The following ETV7 variants were observed in gnomAD, a reference collection of about 807,000 sequenced individuals.
ETV7 encodes ETS variant transcription factor 7.
In ETV7, 43 loss-of-function variants were observed where a neutral mutation model predicts 39.1. The ratio of observed to expected loss-of-function variants is 1.10; its 90% CI spans 0.86 to 1.42. The LOEUF (loss-of-function observed/expected upper bound fraction) is 1.42, where lower values mean the gene tolerates loss of function less well. ETV7 is among the 40% of genes most tolerant of loss of function. ETV7 has a pLI of 0.00. For synonymous variants in ETV7, 196 were observed against 176.6 expected (o/e 1.11, Z -0.87); for missense variants, 432 against 442.3 (o/e 0.98, Z 0.21).
intron 2 of ETV7, among the ~76,000 whole-genome samples, chr6:36,382,192 T>C (rs1017710374): frequency 6.6e-6 from 1 of 152,198 alleles, no homozygotes; most frequent in Admixed American, 6.5e-5. Flanking sequence ...AAACAAATAA[T>C]ATTTTGTACC....
chr6:36,369,156 C>T (rs1772879066), intron 5 of ETV7, 85 bp from the exon 6 acceptor site: 2 of 1,533,102 alleles, frequency 1.3e-6, no homozygotes, highest in Admixed American at 3.6e-5. Context: ...TTGGAAGCCT[C>T]CCGGCCAGAG....
rs765154138 is a variant in ETV7 at position 36,373,499 on chromosome 6, G to A, written c.387C>T (p.Ile129=). The change falls in exon 4 of 8, where the codon ATC becomes ATT. Residue 129 remains isoleucine (I), a synonymous_variant. Coordinates refer to ENST00000340181, the MANE Select transcript of ETV7 (RefSeq NM_016135.4). ...GCTGGGTGGGCGTCTTCAGCCTGAA[G>A]ATCCCTCCAAAAAAGGGCCCACACA... The part of the protein sequence containing the change: ...ALVCGPFFGG[I]FRLKTPTQHS... 9.6e-6 allele frequency: 15 copies of A among 1,566,332 alleles called. No individual in the cohort carries two copies. Among genetic ancestry groups the A allele is most frequent in the Admixed American group, 1.8e-5 (1 of 54,610 alleles).
At position 36,373,614 on chromosome 6, in the gene ETV7, C is replaced by T. The variant is rs781330272; in HGVS notation, c.308-36G>A. 12 of 1,517,822 alleles carry T rather than the reference C, an allele frequency of 7.9e-6. No homozygotes were observed. In the Admixed American group the frequency reaches 2.5e-4, roughly 31 times the overall value. The allele number at this position is 1,517,822 out of a possible 1,614,324, so 94.0% of individuals were successfully genotyped here. Reference sequence around the variant, plus strand: ...GTGGGAGGGAGGGCAGGCTGCTGAACAGGCCACGTGGGGAGGGCCAGCCTC... The same window carrying T: ...GTGGGAGGGAGGGCAGGCTGCTGAATAGGCCACGTGGGGAGGGCCAGCCTC... On this transcript the variant is annotated intron_variant, in intron 3 of 7. Transcript: ENST00000340181.
At chr6:36,369,878 C>T (rs2127388876) in intron 5 of ETV7, among the ~76,000 whole-genome samples, 1 of 151,168 alleles carries the variant, frequency 6.6e-6, no homozygotes, top group South Asian at 2.1e-4. Context: ...TGCACTCCAG[C>T]CTGGCAACAG....
chr6:36,384,375 A>G (rs1582227605), intron 2 of ETV7, among the ~76,000 whole-genome samples: 1 of 152,192 alleles, frequency 6.6e-6, no homozygotes, highest in Non-Finnish European at 1.5e-5. Context: ...CCATCTCAGA[A>G]GGGCCCACAG....
At chr6:36,365,078 G>A (rs1285301263), downstream of ETV7, among the ~76,000 whole-genome samples, 1 of 152,316 alleles carries the variant, frequency 6.6e-6, no homozygotes, top group African/African-American at 2.4e-5. Flanking sequence ...CAGCAGAGAC[G>A]GGGATTTCCT....
intron 7 of ETV7, among the ~76,000 whole-genome samples, chr6:36,356,392 T>C (rs1241970053): frequency 6.7e-6 from 1 of 149,194 alleles, no homozygotes; most frequent in African/African-American, 2.5e-5. Context: ...ACAACTATTA[T>C]ATATCAATTT....
intron 7 of ETV7, among the ~76,000 whole-genome samples, chr6:36,356,340 C>CAAAAAAAAAAAA (rs979143117): frequency 7.8e-6 from 1 of 128,288 alleles, no homozygotes. Flanking sequence ...AAAAAAAAAA[C>CAAAAAAAAAAAA]AAAAAAAAAC....
chr6:36,385,651 A>G lies in ETV7; in HGVS notation c.25T>C (p.Ser9Pro). 6.2e-7 allele frequency: 1 copy of G among 1,612,920 alleles called. No individual in the cohort carries two copies. The highest frequency in any genetic ancestry group is 8.5e-7 in the Non-Finnish European group (1 of 1,179,502). Reference protein sequence around the residue: MQEGELAISPISPVAAMPP... With the variant: MQEGELAIPPISPVAAMPP... ...ATGGCTGCCACAGGGCTTATAGGAG[A>G]AATAGCCAATTCTCCCTCCTAGAGA... Residue 9 changes from serine to proline, a missense_variant, in exon 2 of 8, where the codon TCT becomes CCT. By Grantham distance (74) the Ser-to-Pro change is moderately conservative. Coordinates refer to ENST00000340181, the MANE Select transcript of ETV7 (RefSeq NM_016135.4).
Position 36,368,928 on chromosome 6 carries a change from C to T in ETV7, c.807+1G>A. On this transcript the variant is annotated splice_donor_variant, in intron 6 of 7. Coordinates refer to ENST00000340181, the MANE Select transcript of ETV7 (RefSeq NM_016135.4). LOFTEE classifies it high-confidence loss of function. ...AGACCATTCTGCTGGCCGAGGCTCA[C>T]CTTGTGATTTCCCCAGAGTCTGGCG... 4.3e-6 allele frequency: 7 copies of T among 1,614,164 alleles called. No individual in the cohort carries two copies. The highest frequency in any genetic ancestry group is 5.9e-6 in the Non-Finnish European group (7 of 1,180,016).
downstream of ETV7, among the ~76,000 whole-genome samples, chr6:36,361,544 C>A (rs1247511907): frequency 6.6e-6 from 1 of 152,198 alleles, no homozygotes; most frequent in Non-Finnish European, 1.5e-5. Flanking sequence ...TCAGCCCAGG[C>A]TTCCTGCAGT....
At chr6:36,354,814 G>A (rs188359850) in intron 7 of ETV7, 27 of 525,390 alleles carry the variant, frequency 5.1e-5, no homozygotes, top group African/African-American at 4.5e-4. Context: ...ATTTAGATTT[G>A]CTTTAATTTC....
intron 2 of ETV7, among the ~76,000 whole-genome samples, chr6:36,381,023 C>T (rs1076929): frequency 0.41 from 62,738 of 151,840 alleles, 13,988 homozygotes; most frequent in African/African-American, 0.57. Context: ...CCCCACCTGA[C>T]CAAAGCTATT....
At chr6:36,358,657 G>C (rs946729758) in intron 7 of ETV7, among the ~76,000 whole-genome samples, 2 of 152,160 alleles carry the variant, frequency 1.3e-5, no homozygotes, top group Non-Finnish European at 2.9e-5. Flanking sequence ...GCCTTTGTTG[G>C]TGCTTTAGAA....
intron 3 of ETV7, among the ~76,000 whole-genome samples, chr6:36,375,217 T>C (rs1190263569): frequency 6.6e-6 from 1 of 151,814 alleles, no homozygotes; most frequent in Admixed American, 6.6e-5. Flanking sequence ...ACAGAAAACA[T>C]GAGCGAATTC....
In ETV7 at chr6:36,376,763, G is replaced by A. The variant is rs371817177; in HGVS notation, c.143-728C>T. 3.7e-3 allele frequency among the ~76,000 whole-genome samples: 553 copies of A among 147,582 alleles called. 4 individuals are homozygous for A. The highest frequency in any genetic ancestry group is 2.9e-3 in the Non-Finnish European group (194 of 67,318). ...TGCACTCCAGCCTGGGCGACAGAGC[G>A]AGACTCCCTCTAAAGAAAAAAAAAA... On this transcript the variant is annotated intron_variant, in intron 2 of 7. Transcript: ENST00000340181.
chr6:36,376,745 C>T (rs1030334141), intron 2 of ETV7, among the ~76,000 whole-genome samples: 2 of 150,074 alleles, frequency 1.3e-5, no homozygotes, highest in East Asian at 3.9e-4. Flanking sequence ...GACTGCACTC[C>T]AGCCTGGGCG....
At chr6:36,385,907 C>T (rs1251200709) in intron 1 of ETV7, among the ~76,000 whole-genome samples, 1 of 152,194 alleles carries the variant, frequency 6.6e-6, no homozygotes, top group Non-Finnish European at 1.5e-5. Context: ...ATGTGCCTAA[C>T]TCCAAGAGGG....
intron 2 of ETV7, among the ~76,000 whole-genome samples, chr6:36,378,112 G>A (rs1384851888): frequency 6.6e-6 from 1 of 152,166 alleles, no homozygotes; most frequent in Non-Finnish European, 1.5e-5. Context: ...AGAAGGTGGA[G>A]CCCAGGAGCA....
Sources: allele counts gnomAD v4.1 joint callset (sites outside exome capture counted in the v4.1 genomes callset), GRCh38; gene constraint gnomAD v4.1.1; transcripts MANE v1.5; gene names NCBI Gene and HGNC (gene_info 2026-07-23, HGNC 2026-07-21).